The following DNAJC6 variants were observed in gnomAD, a reference collection of about 807,000 sequenced individuals.
DNAJC6 encodes the protein DnaJ heat shock protein family (Hsp40) member C6.
Under a neutral mutation model 110.0 loss-of-function variants are expected in DNAJC6, and 34 were observed. The observed-to-expected ratio is 0.31, with a 90% CI of 0.24 to 0.41. The LOEUF (loss-of-function observed/expected upper bound fraction) is 0.41, where lower values mean the gene tolerates loss of function less well. DNAJC6 is among the 10% of genes least tolerant of loss of function. The pLI is 1.00. For synonymous variants in DNAJC6, 406 were observed against 437.2 expected, an observed-to-expected ratio of 0.93 and a Z score of 0.89; for missense variants, 1,031 against 1,207.8, an observed-to-expected ratio of 0.85 and a Z score of 2.17.
At chr1:65,343,538 T>C (rs1645408749) in intron 1 of DNAJC6, among the ~76,000 whole-genome samples, 1 of 152,164 alleles carries the variant, frequency 6.6e-6, no homozygotes, top group Admixed American at 6.6e-5. Flanking sequence ...TCCAGTGTTA[T>C]GTTACTGCAT....
intron 1 of DNAJC6, among the ~76,000 whole-genome samples, chr1:65,320,807 G>A (rs995087407): frequency 2.6e-5 from 4 of 152,150 alleles, no homozygotes; most frequent in Non-Finnish European, 5.9e-5. Flanking sequence ...ATGGTAGTAG[G>A]ATGGGGAGAC....
At chr1:65,359,344 C>A (rs1282871402) in intron 1 of DNAJC6, among the ~76,000 whole-genome samples, 1 of 152,150 alleles carries the variant, frequency 6.6e-6, no homozygotes, top group Non-Finnish European at 1.5e-5. Context: ...TCTAGTTTCC[C>A]AAACATTAGG....
At chr1:65,280,989 G>A (rs1481690948) in intron 1 of DNAJC6, among the ~76,000 whole-genome samples, 4 of 152,158 alleles carry the variant, frequency 2.6e-5, no homozygotes, top group African/African-American at 9.7e-5. Context: ...AGGCTGGAGT[G>A]CAGTGGTGTA....
chr1:65,345,102 A>G (rs1221541010), intron 1 of DNAJC6, among the ~76,000 whole-genome samples: 4 of 112,356 alleles, frequency 3.6e-5, no homozygotes, highest in East Asian at 4.4e-4. Context: ...TGATGATTCT[A>G]TGAGGAAGGT....
chr1:65,399,889 A>T (rs957515390), intron 14 of DNAJC6, among the ~76,000 whole-genome samples: 35 of 152,142 alleles, frequency 2.3e-4, no homozygotes, highest in Non-Finnish European at 4.4e-4. Context: ...TAATTTAAAA[A>T]TTTTTTTTGG....
intron 12 of DNAJC6, among the ~76,000 whole-genome samples, chr1:65,393,596 AT>A (rs1645949879): frequency 1.3e-5 from 2 of 152,078 alleles, no homozygotes; most frequent in African/African-American, 4.8e-5. Context: ...TCACTGTCTC[AT>A]TGCCAGAGAC....
chr1:65,390,127 A>G (rs1221645908), intron 11 of DNAJC6, among the ~76,000 whole-genome samples: 1 of 152,140 alleles, frequency 6.6e-6, no homozygotes, highest in Non-Finnish European at 1.5e-5. Context: ...CTGATGCAAA[A>G]GGCCATTTTA....
At chr1:65,398,746 G>A (rs1428754249) in intron 13 of DNAJC6, 67 bp from the exon 14 acceptor site, 7 of 1,546,428 alleles carry the variant, frequency 4.5e-6, no homozygotes, top group Non-Finnish European at 6.2e-6. Flanking sequence ...GCATTATCCT[G>A]TGTGAACTCA....
chr1:65,333,272 A>G (rs1645304916), intron 1 of DNAJC6, among the ~76,000 whole-genome samples: 1 of 152,180 alleles, frequency 6.6e-6, no homozygotes, highest in South Asian at 2.1e-4. Flanking sequence ...TCCAATAACA[A>G]TAAAAATAAC....
upstream of DNAJC6, among the ~76,000 whole-genome samples, chr1:65,307,554 T>C (rs575299950): frequency 5.3e-5 from 8 of 152,316 alleles, no homozygotes; most frequent in African/African-American, 1.9e-4. Flanking sequence ...TGAGACAGGG[T>C]CTCAGTCTGT....
chr1:65,365,818 T>A, intron 2 of DNAJC6, 67 bp from the exon 3 acceptor site: 1 of 1,555,920 alleles, frequency 6.4e-7, no homozygotes, highest in Non-Finnish European at 8.8e-7. Flanking sequence ...GCGCAAGTGA[T>A]TGAGAGAGAG....
Position 65,414,239 on chromosome 1 carries a change from G to C in DNAJC6, c.*1214G>C, listed in dbSNP as rs1178840319. 1 of 152,338 alleles carries C rather than the reference G, an allele frequency of 6.6e-6. No homozygotes were observed. The highest frequency in any genetic ancestry group is 1.5e-5 in the Non-Finnish European group (1 of 68,038). 9.4% of individuals were successfully genotyped at this position (152,338 alleles called of 1,614,324 possible). On this transcript the variant is annotated 3_prime_UTR_variant, in exon 19 of 19. Transcript: ENST00000371069. ...AGGGACATTTGTGAAAGCAAAGCAA[G>C]AATGAATGCTTTCCCGATCTCAGAC...
At chr1:65,278,113 G>A (rs1175585210) in intron 1 of DNAJC6, among the ~76,000 whole-genome samples, 1 of 152,210 alleles carries the variant, frequency 6.6e-6, no homozygotes, top group Non-Finnish European at 1.5e-5. Flanking sequence ...TGGCTGAGTA[G>A]GTATTTTTTC....
At chr1:65,303,054 T>A (rs1645004254) in intron 1 of DNAJC6, among the ~76,000 whole-genome samples, 1 of 152,244 alleles carries the variant, frequency 6.6e-6, no homozygotes, top group East Asian at 1.9e-4. Context: ...TATGAGCATG[T>A]CCTTGAAAAG....
upstream of DNAJC6, among the ~76,000 whole-genome samples, chr1:65,307,839 T>C (rs937901200): frequency 2.0e-5 from 3 of 152,260 alleles, no homozygotes; most frequent in East Asian, 1.9e-4. Flanking sequence ...CAGTTTTTCC[T>C]GCCACCATTC....
chr1:65,357,558 C>T (rs1645555171), intron 1 of DNAJC6, among the ~76,000 whole-genome samples: 2 of 152,188 alleles, frequency 1.3e-5, no homozygotes, highest in South Asian at 2.1e-4. Flanking sequence ...CATATTAGAT[C>T]ATCTTGAGTA....
chr1:65,378,765 T>G (rs549349102), intron 4 of DNAJC6, among the ~76,000 whole-genome samples: 1 of 152,338 alleles, frequency 6.6e-6, no homozygotes, highest in South Asian at 2.1e-4. Context: ...AGTTTTCTCA[T>G]CTGCAAAATG....
At chr1:65,354,384 A>G (rs1213352316) in intron 1 of DNAJC6, among the ~76,000 whole-genome samples, 2 of 152,210 alleles carry the variant, frequency 1.3e-5, no homozygotes, top group African/African-American at 4.8e-5. Context: ...CCCACCTGCC[A>G]CTGTGCTTAG....
chr1:65,364,600 A>G (rs1570329430), intron 1 of DNAJC6, 35 bp from the exon 2 acceptor site: 3 of 1,571,308 alleles, frequency 1.9e-6, no homozygotes, highest in Non-Finnish European at 2.6e-6. Context: ...TGCCATCACC[A>G]TTTTTGTTTG....
Sources: gnomAD v4.1 joint callset for allele counts (sites outside exome capture counted in the v4.1 genomes callset) on GRCh38, gnomAD v4.1.1 for gene constraint, MANE v1.5 for transcripts, NCBI Gene and HGNC (gene_info 2026-07-23, HGNC 2026-07-21) for gene names.